IFT80: variants seen among roughly 807,000 people sequenced by gnomAD.
IFT80 encodes intraflagellar transport protein 80 homolog.
In IFT80, 79 loss-of-function variants were observed where a neutral mutation model predicts 107.9. The observed-to-expected ratio is 0.73, with a 90% CI of 0.61 to 0.88. IFT80 has a LOEUF of 0.88. Among genes scored for constraint, IFT80 ranks in the 40% least tolerant of loss-of-function variants. IFT80 has a pLI of 0.00. For missense variants in IFT80, 797 were observed against 914.2 expected (o/e 0.87, Z 1.65); for synonymous variants, 299 against 300.9 (o/e 0.99, Z 0.07).
rs1225405558 is a variant in IFT80, at chr3:160,381,486, G to A, written c.259+17C>T. 2 of 1,562,590 alleles carry A rather than the reference G, an allele frequency of 1.3e-6. No homozygotes were observed. The highest frequency in any genetic ancestry group is 1.8e-6 in the Non-Finnish European group (2 of 1,133,454). On this transcript the variant is annotated intron_variant, in intron 3 of 19. Coordinates refer to ENST00000326448, the MANE Select transcript of IFT80 (RefSeq NM_020800.3). ...TTAAATACAATGGCGAGCATATAAT[G>A]TTTATTTAAAACTTACCATCAGAAC...
chr3:160,381,397 A>G, intron 3 of IFT80, 106 bp downstream of exon 3: 1 of 826,902 alleles, frequency 1.2e-6, no homozygotes, highest in Non-Finnish European at 2.0e-6. Context: ...GGATAAAAAT[A>G]TGCAGATCCA....
At chr3:160,343,275 T>C (rs1720050137) in intron 8 of IFT80, among the ~76,000 whole-genome samples, 1 of 152,182 alleles carries the variant, frequency 6.6e-6, no homozygotes, top group African/African-American at 2.4e-5. Flanking sequence ...ATTATAATGC[T>C]TAAACGAATA....
intron 5 of IFT80, among the ~76,000 whole-genome samples, chr3:160,374,246 G>A (rs1576888328): frequency 6.6e-6 from 1 of 151,712 alleles, no homozygotes; most frequent in South Asian, 2.1e-4. Context: ...AGGAGTTCAA[G>A]ACCAGCCTGG....
At chr3:160,291,837 T>A (rs1028682931) in intron 12 of IFT80, among the ~76,000 whole-genome samples, 2 of 152,116 alleles carry the variant, frequency 1.3e-5, no homozygotes, top group Non-Finnish European at 2.9e-5. Flanking sequence ...CCCTTCAAGG[T>A]TCAAAAGGTG....
intron 5 of IFT80, among the ~76,000 whole-genome samples, chr3:160,372,615 G>A (rs1029587708): frequency 4.6e-5 from 7 of 152,160 alleles, no homozygotes; most frequent in Admixed American, 1.3e-4. Flanking sequence ...AAAGGTATCA[G>A]ATTACTCTGT....
At chr3:160,274,861 A>C (rs1463058137) in intron 18 of IFT80, among the ~76,000 whole-genome samples, 1 of 152,224 alleles carries the variant, frequency 6.6e-6, no homozygotes, top group Non-Finnish European at 1.5e-5. Flanking sequence ...CAGAAGTTGC[A>C]GTGAGCCGAG....
At chr3:160,320,464 C>T (rs1219149294) in intron 8 of IFT80, among the ~76,000 whole-genome samples, 1 of 151,388 alleles carries the variant, frequency 6.6e-6, no homozygotes, top group East Asian at 1.9e-4. Context: ...TGAGTATAAC[C>T]TCTCCTAGAA....
chr3:160,272,150 C>T (rs1280798286), intron 18 of IFT80, among the ~76,000 whole-genome samples: 1 of 151,994 alleles, frequency 6.6e-6, no homozygotes, highest in Non-Finnish European at 1.5e-5. Flanking sequence ...ATAGGAGAAG[C>T]TATAGATTAA....
chr3:160,345,621 G>T lies in IFT80; in HGVS notation c.777+10392C>A, dbSNP rs890874434. ...AGGCAGAAGAATTGCTTGAACCCAG[G>T]AGGCAGAGGTTGCAGTGGGCTGAGA... On this transcript the variant is annotated intron_variant, in intron 8 of 19. Coordinates refer to ENST00000326448, the MANE Select transcript of IFT80 (RefSeq NM_020800.3). 2.0e-5 allele frequency among the ~76,000 whole-genome samples: 3 copies of T among 150,436 alleles called. No individual in the cohort carries two copies. The Admixed American group carries it at 2.0e-4, about 10-fold the overall frequency.
Position 160,364,537 on chromosome 3 carries a change from A to T in IFT80, c.549+1506T>A, listed in dbSNP as rs560754988. ...AAAGGATTATAAACCATGCTACTAT[A>T]AAGACACATGCATACATATATTTAT... On this transcript the variant is annotated intron_variant, in intron 6 of 19. Coordinates refer to ENST00000326448, the MANE Select transcript of IFT80 (RefSeq NM_020800.3). Among the ~76,000 whole-genome samples the T allele has an allele frequency of 2.0e-5, 3 of 152,330 alleles. No homozygotes were observed. The South Asian group carries it at 6.2e-4, about 32-fold the overall frequency.
intron 9 of IFT80, among the ~76,000 whole-genome samples, chr3:160,311,924 G>A (rs997058795): frequency 6.6e-6 from 1 of 152,148 alleles, no homozygotes; most frequent in African/African-American, 2.4e-5. Context: ...GGGACTACAG[G>A]CGCCCGCCAC....
intron 18 of IFT80, among the ~76,000 whole-genome samples, chr3:160,276,975 T>C (rs56030166): frequency 0.14 from 21,886 of 152,164 alleles, 2,110 homozygotes; most frequent in Non-Finnish European, 0.21. Context: ...TATAACTTTT[T>C]GCGAGTATTT....
rs560970159 is a variant in IFT80, at chr3:160,381,549, T to G, written c.213A>C (p.Val71=). The G allele has an allele frequency of 1.0e-4, 165 of 1,613,930 alleles. 1 individual carries two copies. The highest frequency in any genetic ancestry group is 4.8e-4 in the African/African-American group (36 of 75,020). Residue 71 remains valine (V), a synonymous_variant, in exon 3 of 20, where the codon GTA becomes GTC. Coordinates refer to ENST00000326448, the MANE Select transcript of IFT80 (RefSeq NM_020800.3). ...AGCTTTCTGCCTGGGTTTGTTTCTT[T>G]ACACCCAAACTTTTTGGAAACCAGT... is the stretch of plus-strand genomic sequence containing the variant. ...DFHWFPKSLG[V]KKQTQAESFV... is the part of the protein sequence containing the mutation.
chr3:160,318,660 G>C (rs1953506), intron 9 of IFT80, among the ~76,000 whole-genome samples: 79,733 of 151,874 alleles, frequency 0.52, 21,382 homozygotes, highest in African/African-American at 0.56. Context: ...TGCCACATCC[G>C]AACCTTCTTG....
intron 8 of IFT80, among the ~76,000 whole-genome samples, chr3:160,326,356 G>A (rs1291885771): frequency 6.6e-6 from 1 of 151,938 alleles, no homozygotes; most frequent in Non-Finnish European, 1.5e-5. Context: ...ACCAAAACCT[G>A]GCAGAGATAC....
intron 8 of IFT80, among the ~76,000 whole-genome samples, chr3:160,348,910 G>A (rs1433680223): frequency 6.6e-6 from 1 of 152,168 alleles, no homozygotes; most frequent in Non-Finnish European, 1.5e-5. Flanking sequence ...GTGGTTGCCA[G>A]GGACTAGGAA....
chr3:160,257,568 C>A lies in IFT80; in HGVS notation c.*957G>T, dbSNP rs1252896651. 6.6e-6 allele frequency: 1 copy of A among 152,048 alleles called. No homozygotes were observed. Among genetic ancestry groups the A allele is most frequent in the African/African-American group, 2.4e-5 (1 of 41,388 alleles). 9.4% of individuals were successfully genotyped at this position (152,048 alleles called of 1,614,324 possible). ...AGAGGAATGAGGAGAATCCTTCTTG[C>A]CCATTCTAGATATATTTTTTAAATT... On this transcript the variant is annotated 3_prime_UTR_variant, in exon 20 of 20. Transcript: ENST00000326448.
intron 10 of IFT80, among the ~76,000 whole-genome samples, chr3:160,305,207 C>A (rs1414831275): frequency 6.6e-6 from 1 of 152,070 alleles, no homozygotes; most frequent in Admixed American, 6.5e-5. Flanking sequence ...CAATTCTCTA[C>A]CTCAGATTAA....
At chr3:160,284,602 A>G (rs1006470281) in intron 13 of IFT80, among the ~76,000 whole-genome samples, 8 of 152,230 alleles carry the variant, frequency 5.3e-5, no homozygotes, top group African/African-American at 1.9e-4. Context: ...TTTCACAGTT[A>G]CACTAGCACA....
Sources: allele counts gnomAD v4.1 joint callset (sites outside exome capture counted in the v4.1 genomes callset), GRCh38; gene constraint gnomAD v4.1.1; transcripts MANE v1.5; gene names NCBI Gene and HGNC (gene_info 2026-07-23, HGNC 2026-07-21).